Variants in ZNF569 observed in about 807,000 individuals in gnomAD.
ZNF569 encodes the protein DNA-binding protein.
A neutral mutation model predicts 56.3 loss-of-function variants in ZNF569; 38 were observed. That is an observed-to-expected ratio of 0.68 (90% CI 0.52 to 0.88). The LOEUF (loss-of-function observed/expected upper bound fraction) is 0.88. Among genes scored for constraint, ZNF569 ranks in the 40% least tolerant of loss-of-function variants. ZNF569 has a pLI of 0.00. For synonymous variants in ZNF569, 241 were observed against 262.9 expected (o/e 0.92, Z 0.81); for missense variants, 666 against 809.2 (o/e 0.82, Z 2.15).
At chr19:37,418,297 T>C (rs957018059) in intron 5 of ZNF569, among the ~76,000 whole-genome samples, 4 of 151,902 alleles carry the variant, frequency 2.6e-5, no homozygotes, top group Admixed American at 6.6e-5. Flanking sequence ...CCTAGGTTAA[T>C]TGTATAGGGG....
rs1377052215 is a variant in ZNF569 at position 37,413,784 on chromosome 19, G to T, written c.874C>A (p.His292Asn). The change falls in exon 6 of 6, where the codon CAT becomes AAT. Residue 292 changes from histidine (H) to asparagine (N), a missense_variant. Physicochemically the swap from His to Asn is moderately conservative, Grantham distance 68. Transcript: ENST00000316950. Reference protein sequence around the residue: ...KSNLIDHEKIHTGEKPYECNE... With the variant: ...KSNLIDHEKINTGEKPYECNE... The stretch of plus-strand genomic sequence containing the variant: ...CATTCATAAGGTTTCTCTCCAGTAT[G>T]AATTTTTTCATGATCAATAAGATTT... The T allele has an allele frequency of 1.2e-6, 2 of 1,613,578 alleles. No homozygotes were observed. The highest frequency in any genetic ancestry group is 2.2e-5 in the South Asian group (2 of 91,070).
chr19:37,467,832 G>A (rs2041874108), upstream of ZNF569: 4 of 1,518,964 alleles, frequency 2.6e-6, no homozygotes, highest in Non-Finnish European at 3.5e-6. Flanking sequence ...GTGTGACCAT[G>A]GTCGCGTTTT....
In ZNF569 at chr19:37,412,001, A is replaced by C. The variant is rs1442413054; in HGVS notation, c.*596T>G. ...TGTGTTTCTTTACTTTTCCACATAA[A>C]ATTTTTGGATAAGTTTGTGAAGTTC... On this transcript the variant is annotated 3_prime_UTR_variant, in exon 6 of 6. Coordinates refer to ENST00000316950, the MANE Select transcript of ZNF569 (RefSeq NM_152484.3). 2 of 152,110 alleles carry C rather than the reference A, an allele frequency of 1.3e-5. No homozygotes were observed. Among genetic ancestry groups the C allele is most frequent in the Non-Finnish European group, 2.9e-5 (2 of 67,992 alleles). 9.4% of individuals were successfully genotyped at this position (152,110 alleles called of 1,614,324 possible).
upstream of ZNF569, among the ~76,000 whole-genome samples, chr19:37,468,812 A>G (rs566278980): frequency 2.0e-5 from 3 of 152,300 alleles, no homozygotes; most frequent in South Asian, 6.2e-4. Context: ...GGCTGAGGGT[A>G]GCGGGTGGGA....
intron 2 of ZNF569, among the ~76,000 whole-genome samples, chr19:37,461,505 C>T (rs2041757457): frequency 1.3e-5 from 2 of 151,916 alleles, no homozygotes; most frequent in African/African-American, 2.4e-5. Flanking sequence ...CAGGGTTTCA[C>T]CATGTTGGTC....
intron 2 of ZNF569, among the ~76,000 whole-genome samples, chr19:37,464,353 C>T (rs2041799221): frequency 6.6e-6 from 1 of 152,112 alleles, no homozygotes; most frequent in Non-Finnish European, 1.5e-5. Flanking sequence ...CCACGCCTGG[C>T]TAATTTTTTG....
At chr19:37,468,033 A>G, upstream of ZNF569, 1 of 1,080,336 alleles carries the variant, frequency 9.3e-7, no homozygotes, top group Non-Finnish European at 1.4e-6. Context: ...TAGCTGTGTC[A>G]TCTCAGACTA....
intron 2 of ZNF569, among the ~76,000 whole-genome samples, chr19:37,453,254 G>A (rs1164701434): frequency 6.6e-6 from 1 of 152,100 alleles, no homozygotes; most frequent in African/African-American, 2.4e-5. Context: ...CAGCAACAGG[G>A]TATCCTGAAT....
intron 2 of ZNF569, among the ~76,000 whole-genome samples, chr19:37,455,558 A>G (rs888362711): frequency 6.6e-6 from 1 of 151,904 alleles, no homozygotes; most frequent in Non-Finnish European, 1.5e-5. Flanking sequence ...ACGTTTTGCC[A>G]AAAACCTAAA....
At chr19:37,415,837 G>A (rs1481463772) in intron 5 of ZNF569, among the ~76,000 whole-genome samples, 2 of 150,628 alleles carry the variant, frequency 1.3e-5, no homozygotes, top group Non-Finnish European at 3.0e-5. Flanking sequence ...CCAAGATCAC[G>A]CCACTGCACT....
chr19:37,453,135 C>T (rs2041621146), intron 2 of ZNF569, among the ~76,000 whole-genome samples: 2 of 152,068 alleles, frequency 1.3e-5, no homozygotes, highest in South Asian at 4.1e-4. Flanking sequence ...CTGGAGAGCC[C>T]ACAAAGAAAA....
In ZNF569 at chr19:37,454,781, G is replaced by C. The variant is rs1478956648; in HGVS notation, c.-43-9817C>G. The C allele has an allele frequency of 8.6e-6, 6 of 697,004 alleles. No individual in the cohort carries two copies. The East Asian group carries it at 1.6e-4, about 19-fold the overall frequency. 43.2% of individuals were successfully genotyped at this position (697,004 alleles called of 1,614,324 possible). A position where few individuals can be genotyped will look rare whatever the true frequency, so the allele number is the denominator to read the frequency against. ...CAGTGGTTTCACACTTTCATTAGCT[G>C]ACATTCACACTTTAAAAATTTGTTT... On this transcript the variant is annotated intron_variant, in intron 2 of 5. Coordinates refer to ENST00000316950, the MANE Select transcript of ZNF569 (RefSeq NM_152484.3).
intron 2 of ZNF569, among the ~76,000 whole-genome samples, chr19:37,451,330 G>A (rs1426973677): frequency 6.6e-6 from 1 of 151,488 alleles, no homozygotes; most frequent in Non-Finnish European, 1.5e-5. Context: ...AACCCGGGAG[G>A]CGGAGGTTGC....
intron 2 of ZNF569, among the ~76,000 whole-genome samples, chr19:37,445,332 A>G (rs899801551): frequency 6.6e-6 from 1 of 152,244 alleles, no homozygotes; most frequent in Non-Finnish European, 1.5e-5. Context: ...GTAGCAATTT[A>G]AAAGAATTTA....
chr19:37,429,681 A>G (rs959739052), intron 3 of ZNF569, among the ~76,000 whole-genome samples: 2 of 152,206 alleles, frequency 1.3e-5, no homozygotes, highest in Non-Finnish European at 2.9e-5. Flanking sequence ...TTCCAGCCAC[A>G]GGCTCAGCAT....
At chr19:37,437,492 T>C (rs565594020) in intron 3 of ZNF569, among the ~76,000 whole-genome samples, 3 of 152,204 alleles carry the variant, frequency 2.0e-5, no homozygotes, top group East Asian at 1.9e-4. Context: ...AGAAATCAGA[T>C]AAGAGAAAGA....
In ZNF569 at chr19:37,413,222, G is replaced by T. The variant is rs770580566; in HGVS notation, c.1436C>A (p.Ser479Ter). ...KECGKAFSQK[S>*]NLIAHEKIHS... is the part of the protein sequence containing the mutation. ...AATTTTTTCATGAGCAATGAGATTT[G>T]ATTTCTGGCTAAAGGCTTTCCCACA... The change falls in exon 6 of 6, where the codon TCA becomes TAA. Residue 479 changes from serine to a stop codon, truncating the protein, a stop_gained. Transcript: ENST00000316950. LOFTEE classifies it high-confidence loss of function. The T allele has an allele frequency of 1.2e-6, 2 of 1,610,544 alleles. No individual in the cohort carries two copies. The highest frequency in any genetic ancestry group is 1.7e-6 in the Non-Finnish European group (2 of 1,178,922).
intron 2 of ZNF569, among the ~76,000 whole-genome samples, chr19:37,464,402 G>A (rs1390773613): frequency 1.3e-5 from 2 of 152,154 alleles, no homozygotes; most frequent in Non-Finnish European, 2.9e-5. Flanking sequence ...TGTTAGCCAG[G>A]ATGGTCTCGA....
intron 3 of ZNF569, among the ~76,000 whole-genome samples, chr19:37,439,761 G>A (rs1568734125): frequency 6.6e-6 from 1 of 152,168 alleles, no homozygotes. Context: ...CAACAACATG[G>A]ATGCAACTGG....
Sources: allele counts gnomAD v4.1 joint callset (sites outside exome capture counted in the v4.1 genomes callset), GRCh38; gene constraint gnomAD v4.1.1; transcripts MANE v1.5; gene names NCBI Gene and HGNC (gene_info 2026-07-23, HGNC 2026-07-21).